The following TMEM217B variants were observed in gnomAD, a reference collection of about 807,000 sequenced individuals.
TMEM217B encodes the protein transmembrane protein 217B, also known as putative transmembrane protein 217B.
the TMEM217B span, among the ~76,000 whole-genome samples, chr6:37,222,176 A>G: frequency 6.6e-6 from 1 of 152,220 alleles, no homozygotes; most frequent in Non-Finnish European, 1.5e-5. Flanking sequence ...GGCCATGGGC[A>G]GGCTGGAAGA....
At chr6:37,236,447 G>A in the TMEM217B span, among the ~76,000 whole-genome samples, 2 of 152,110 alleles carry the variant, frequency 1.3e-5, no homozygotes, top group African/African-American at 4.8e-5. Context: ...TCAATCCTGG[G>A]GTGGGAGAGT....
At chr6:37,249,309 T>A in the TMEM217B span, among the ~76,000 whole-genome samples, 1 of 152,078 alleles carries the variant, frequency 6.6e-6, no homozygotes, top group Non-Finnish European at 1.5e-5. Context: ...TTCATTCTTC[T>A]TCTTCTTCTT....
the TMEM217B span, among the ~76,000 whole-genome samples, chr6:37,219,758 T>C: frequency 3.9e-5 from 6 of 152,024 alleles, no homozygotes; most frequent in Non-Finnish European, 8.8e-5. Flanking sequence ...TGCTGTTAAC[T>C]CTCCCAGCAT....
the TMEM217B span, chr6:37,218,414 C>A: frequency 6.4e-7 from 1 of 1,571,942 alleles, no homozygotes; most frequent in Admixed American, 1.7e-5. Context: ...TGACCTCAGG[C>A]GATCCACCTA....
At chr6:37,245,046 G>A in the TMEM217B span, among the ~76,000 whole-genome samples, 1 of 152,180 alleles carries the variant, frequency 6.6e-6, no homozygotes, top group East Asian at 1.9e-4. Flanking sequence ...TCACACAAGT[G>A]CTTTGCAAGC....
At chr6:37,235,252 G>A in the TMEM217B span, among the ~76,000 whole-genome samples, 3 of 152,164 alleles carry the variant, frequency 2.0e-5, no homozygotes, top group Admixed American at 6.5e-5. Flanking sequence ...ATCTTGGAAT[G>A]TTGGCAACAT....
the TMEM217B span, among the ~76,000 whole-genome samples, chr6:37,245,129 G>A: frequency 1.3e-5 from 2 of 152,206 alleles, no homozygotes; most frequent in Non-Finnish European, 2.9e-5. Flanking sequence ...GTCAGAATGA[G>A]GAAGTCCAAC....
the TMEM217B span, among the ~76,000 whole-genome samples, chr6:37,252,402 A>G: frequency 6.6e-6 from 1 of 152,106 alleles, no homozygotes; most frequent in East Asian, 1.9e-4. Flanking sequence ...AAGCCTAAAA[A>G]TATCTACAAT....
chr6:37,229,354 T>TTTG, the TMEM217B span, among the ~76,000 whole-genome samples: 2 of 140,844 alleles, frequency 1.4e-5, no homozygotes, highest in African/African-American at 5.4e-5. Context: ...TTTTTTTTTT[T>TTTG]TTTTTTGAGA....
the TMEM217B span, among the ~76,000 whole-genome samples, chr6:37,213,762 A>G: frequency 6.6e-6 from 1 of 152,264 alleles, no homozygotes; most frequent in African/African-American, 2.4e-5. Context: ...AGGCTGGAGT[A>G]GGCTGGGCCT....
At chr6:37,225,410 G>A in the TMEM217B span, among the ~76,000 whole-genome samples, 1 of 151,906 alleles carries the variant, frequency 6.6e-6, no homozygotes, top group Non-Finnish European at 1.5e-5. Context: ...AACAAAAGTG[G>A]GCCATGCATG....
At chr6:37,241,837 T>C in the TMEM217B span, among the ~76,000 whole-genome samples, 46 of 152,342 alleles carry the variant, frequency 3.0e-4, no homozygotes, top group South Asian at 8.3e-4. Flanking sequence ...AGATAATTTA[T>C]GACCTCTTCT....
the TMEM217B span, chr6:37,257,704 C>T: frequency 9.1e-6 from 5 of 548,566 alleles, no homozygotes; most frequent in African/African-American, 2.0e-5. Context: ...TTCCGGCTCC[C>T]AATTGGTCGG....
the TMEM217B span, among the ~76,000 whole-genome samples, chr6:37,244,959 T>A: frequency 6.6e-6 from 1 of 152,228 alleles, no homozygotes; most frequent in African/African-American, 2.4e-5. Context: ...TAGTTCCACA[T>A]GTTTTTCATC....
At chr6:37,244,497 G>C in the TMEM217B span, among the ~76,000 whole-genome samples, 1 of 152,096 alleles carries the variant, frequency 6.6e-6, no homozygotes, top group Non-Finnish European at 1.5e-5. Context: ...TTGAAGTCTC[G>C]TCTACCTCAA....
chr6:37,251,514 C>A, the TMEM217B span, among the ~76,000 whole-genome samples: 3 of 152,166 alleles, frequency 2.0e-5, no homozygotes, highest in Non-Finnish European at 2.9e-5. Context: ...GATGAGTAAA[C>A]TAGAGCTCAA....
chr6:37,254,550 TAG>T, the TMEM217B span, among the ~76,000 whole-genome samples: 5 of 152,314 alleles, frequency 3.3e-5, no homozygotes, highest in East Asian at 7.7e-4. Flanking sequence ...GGCAAGGATG[TAG>T]AGTCATTGGT....
the TMEM217B span, among the ~76,000 whole-genome samples, chr6:37,236,537 C>A: frequency 6.6e-6 from 1 of 152,006 alleles, no homozygotes; most frequent in East Asian, 1.9e-4. Flanking sequence ...GGGAGGGTAT[C>A]AAGGTTGAGA....
the TMEM217B span, among the ~76,000 whole-genome samples, chr6:37,238,071 CAA>C: frequency 1.3e-5 from 2 of 150,498 alleles, no homozygotes; most frequent in African/African-American, 4.9e-5. Context: ...AAAAAGTAAA[CAA>C]AAGAGAGCCA....
Sources: gnomAD v4.1 joint callset for allele counts (sites outside exome capture counted in the v4.1 genomes callset) on GRCh38, gnomAD v4.1.1 for gene constraint, MANE v1.5 for transcripts, NCBI Gene and HGNC (gene_info 2026-07-23, HGNC 2026-07-21) for gene names.